The following DCC variants were observed in gnomAD, a reference collection of about 807,000 sequenced individuals.
DCC encodes DCC netrin 1 receptor.
Under a neutral mutation model 172.5 loss-of-function variants are expected in DCC, and 58 were observed. The observed-to-expected ratio is 0.34, with a 90% CI of 0.27 to 0.42. The LOEUF (loss-of-function observed/expected upper bound fraction) is 0.42, where lower values mean the gene tolerates loss of function less well. Among genes scored for constraint, DCC ranks in the 10% least tolerant of loss-of-function variants. The pLI, the probability that DCC is intolerant of heterozygous loss-of-function variation, is 1.00. For missense variants in DCC, 1,740 were observed against 1,791.0 expected (o/e 0.97, Z 0.51); for synonymous variants, 709 against 644.5 (o/e 1.10, Z -1.52).
intron 2 of DCC, among the ~76,000 whole-genome samples, chr18:52,873,024 A>G (rs1221906752): frequency 6.6e-6 from 1 of 152,242 alleles, no homozygotes; most frequent in Non-Finnish European, 1.5e-5. Flanking sequence ...TCCTACTGAC[A>G]GTCTATTTGT....
intron 5 of DCC, among the ~76,000 whole-genome samples, chr18:53,019,127 A>G (rs2041846335): frequency 6.6e-6 from 1 of 152,140 alleles, no homozygotes; most frequent in Non-Finnish European, 1.5e-5. Flanking sequence ...AACAATTATC[A>G]TTTTTACAAA....
chr18:52,759,906 T>C (rs2037132134), intron 2 of DCC, among the ~76,000 whole-genome samples: 1 of 152,210 alleles, frequency 6.6e-6, no homozygotes, highest in African/African-American at 2.4e-5. Context: ...ATTTTTATGC[T>C]AAGTCTTATC....
At chr18:53,107,614 A>G (rs1301050931) in intron 7 of DCC, among the ~76,000 whole-genome samples, 2 of 151,406 alleles carry the variant, frequency 1.3e-5, no homozygotes, top group African/African-American at 4.8e-5. Flanking sequence ...TTCTCCCTCA[A>G]TCAGAACTTA....
At chr18:52,779,721 A>G (rs559416082) in intron 2 of DCC, among the ~76,000 whole-genome samples, 4 of 152,204 alleles carry the variant, frequency 2.6e-5, no homozygotes, top group African/African-American at 4.8e-5. Context: ...TCCTTGAGGA[A>G]TCACCACACT....
intron 1 of DCC, among the ~76,000 whole-genome samples, chr18:52,535,261 C>T (rs531720796): frequency 2.8e-4 from 43 of 152,236 alleles, no homozygotes; most frequent in African/African-American, 9.6e-4. Context: ...TATATTGGTG[C>T]CTTGCCTTTG....
At chr18:52,354,021 A>G (rs1407334366) in intron 1 of DCC, among the ~76,000 whole-genome samples, 8 of 152,208 alleles carry the variant, frequency 5.3e-5, no homozygotes, top group Non-Finnish European at 8.8e-5. Context: ...TTTAAGAAAG[A>G]ATTAAGGGAA....
chr18:52,727,198 A>G (rs900261541), intron 1 of DCC, among the ~76,000 whole-genome samples: 35 of 152,206 alleles, frequency 2.3e-4, no homozygotes, highest in African/African-American at 8.0e-4. Context: ...ACTTTTCCCT[A>G]CCTTGAAAAC....
chr18:52,654,801 G>C (rs2035213665), intron 1 of DCC, among the ~76,000 whole-genome samples: 1 of 152,118 alleles, frequency 6.6e-6, no homozygotes, highest in African/African-American at 2.4e-5. Context: ...AAACTGAGTT[G>C]CAGGAGACCC....
chr18:52,771,462 T>G (rs2037342484), intron 2 of DCC, among the ~76,000 whole-genome samples: 1 of 152,166 alleles, frequency 6.6e-6, no homozygotes, highest in Admixed American at 6.5e-5. Flanking sequence ...GGGGATGCTC[T>G]CACTTTTCTT....
chr18:53,454,619 A>G (rs190112437), intron 23 of DCC, among the ~76,000 whole-genome samples: 162 of 152,324 alleles, frequency 1.1e-3, no homozygotes, highest in African/African-American at 3.6e-3. Context: ...CCTAAGGTGT[A>G]CTTGTTAGAA....
chr18:53,513,804 T>TTGGGTGCAC (rs1205666385), intron 27 of DCC, among the ~76,000 whole-genome samples: 1 of 148,336 alleles, frequency 6.7e-6, no homozygotes, highest in Non-Finnish European at 1.5e-5. Flanking sequence ...AGCACCAAGA[T>TTGGGTGCAC]TCATAAAGCA....
At chr18:52,480,734 T>C (rs2029925655) in intron 1 of DCC, among the ~76,000 whole-genome samples, 1 of 152,206 alleles carries the variant, frequency 6.6e-6, no homozygotes, top group Non-Finnish European at 1.5e-5. Context: ...CAGCCACAGA[T>C]TTAAAGAATC....
At chr18:53,303,523 A>G (rs2057164581) in intron 12 of DCC, among the ~76,000 whole-genome samples, 1 of 152,202 alleles carries the variant, frequency 6.6e-6, no homozygotes, top group South Asian at 2.1e-4. Context: ...TTAAACTACA[A>G]ATTTTAGCAC....
chr18:53,463,233 G>A (rs1302302533), intron 24 of DCC, among the ~76,000 whole-genome samples: 10 of 152,084 alleles, frequency 6.6e-5, no homozygotes, highest in African/African-American at 2.2e-4. Context: ...TTTTCCTTTC[G>A]TCTTTTATAT....
intron 15 of DCC, among the ~76,000 whole-genome samples, chr18:53,371,350 C>A (rs1410813082): frequency 6.6e-6 from 1 of 151,920 alleles, no homozygotes; most frequent in East Asian, 1.9e-4. Flanking sequence ...GAAGTATAAT[C>A]CCAGTCCACA....
chr18:52,685,164 T>G (rs2035810521), intron 1 of DCC, among the ~76,000 whole-genome samples: 1 of 152,164 alleles, frequency 6.6e-6, no homozygotes, highest in Non-Finnish European at 1.5e-5. Context: ...TAATAAACTA[T>G]GCAGGTAGCA....
chr18:52,788,507 C>G (rs576297980), intron 2 of DCC, among the ~76,000 whole-genome samples: 1 of 152,040 alleles, frequency 6.6e-6, no homozygotes, highest in African/African-American at 2.4e-5. Context: ...TGCATTTTGA[C>G]GACACTTGCA....
At position 53,299,978 on chromosome 18, in the gene DCC, C is replaced by CA. The variant is rs1232004595; in HGVS notation, c.1912-5594dup. 5.3e-5 allele frequency among the ~76,000 whole-genome samples: 8 copies of CA among 151,948 alleles called. No homozygotes were observed. The East Asian group carries it at 1.5e-3, about 29-fold the overall frequency. On this transcript the variant is annotated intron_variant, in intron 12 of 28. Transcript: ENST00000442544. ...ACCATTGCCAGGTCTAAAGTAAGTG[C>CA]AAAAAATATGTTAACAAATAGTAGT...
chr18:52,572,705 C>T (rs1237235474), intron 1 of DCC, among the ~76,000 whole-genome samples: 1 of 152,106 alleles, frequency 6.6e-6, no homozygotes, highest in Admixed American at 6.5e-5. Context: ...CATGGGCAGA[C>T]CAAGAATCTT....
Sources: allele counts gnomAD v4.1 joint callset (sites outside exome capture counted in the v4.1 genomes callset), GRCh38; gene constraint gnomAD v4.1.1; transcripts MANE v1.5; gene names NCBI Gene and HGNC (gene_info 2026-07-23, HGNC 2026-07-21).